The following GRIK1 variants were observed in gnomAD, a reference collection of about 807,000 sequenced individuals.
GRIK1 encodes the protein glutamate ionotropic receptor kainate type subunit 1, also known as glutamate receptor ionotropic, kainate 1.
A neutral mutation model predicts 105.7 loss-of-function variants in GRIK1; 69 were observed. That is an observed-to-expected ratio of 0.65 (90% CI 0.54 to 0.80). GRIK1 has a LOEUF of 0.80. Among genes scored for constraint, GRIK1 ranks in the 30% least tolerant of loss-of-function variants. The pLI is 0.00. For synonymous variants in GRIK1, 438 were observed against 431.3 expected, an observed-to-expected ratio of 1.02 and a Z score of -0.19; for missense variants, 1,109 against 1,167.3, an observed-to-expected ratio of 0.95 and a Z score of 0.73.
At position 29,582,459 on chromosome 21, in the gene GRIK1, C is replaced by G. The variant is rs966206188; in HGVS notation, c.1794-916G>C. 3.4e-5 allele frequency: 9 copies of G among 261,756 alleles called. No homozygotes were observed. In the East Asian group the frequency reaches 1.1e-3, roughly 32 times the overall value. The allele number at this position is 261,756 out of a possible 1,614,324, so 16.2% of individuals were successfully genotyped here. ...CAACTAGTATAGTAGTGTGGGAAGT[C>G]GACTTTGAAAAATTCACTCAACCTC... is the stretch of plus-strand genomic sequence containing the variant. On this transcript the variant is annotated intron_variant, in intron 12 of 17. Transcript: ENST00000327783.
chr21:29,635,401 T>C (rs989514626), intron 7 of GRIK1, among the ~76,000 whole-genome samples: 8 of 152,188 alleles, frequency 5.3e-5, no homozygotes, highest in African/African-American at 1.9e-4. Context: ...ACAGCTGTTG[T>C]CTCTCTGTGT....
At chr21:29,691,684 G>A (rs2063587050) in intron 2 of GRIK1, among the ~76,000 whole-genome samples, 2 of 152,106 alleles carry the variant, frequency 1.3e-5, no homozygotes, top group South Asian at 4.1e-4. Flanking sequence ...TATCAAATTA[G>A]CTAAATTAAT....
chr21:29,896,590 A>G (rs1228909544), intron 1 of GRIK1, among the ~76,000 whole-genome samples: 2 of 152,204 alleles, frequency 1.3e-5, no homozygotes, highest in Admixed American at 6.5e-5. Context: ...GACATATAAC[A>G]CATATCTGTC....
intron 4 of GRIK1, among the ~76,000 whole-genome samples, chr21:29,670,799 T>G (rs756128517): frequency 3.3e-5 from 5 of 152,236 alleles, no homozygotes; most frequent in Non-Finnish European, 5.9e-5. Flanking sequence ...TTAACATTCT[T>G]AAATGAAGCC....
intron 4 of GRIK1, among the ~76,000 whole-genome samples, chr21:29,660,940 G>A (rs1265885004): frequency 2.6e-5 from 4 of 152,154 alleles, no homozygotes; most frequent in Non-Finnish European, 4.4e-5. Context: ...TCAAGTCTCC[G>A]AGCAGCAATT....
intron 1 of GRIK1, among the ~76,000 whole-genome samples, chr21:29,922,878 A>G (rs2146330236): frequency 6.6e-6 from 1 of 152,276 alleles, no homozygotes; most frequent in South Asian, 2.1e-4. Context: ...TTTCCTCAGG[A>G]AGAATCTCAG....
At chr21:29,766,119 G>A (rs1422699088) in intron 1 of GRIK1, among the ~76,000 whole-genome samples, 2 of 152,056 alleles carry the variant, frequency 1.3e-5, no homozygotes, top group Non-Finnish European at 2.9e-5. Context: ...AAAGTGCTGG[G>A]ATTACAGGCA....
At chr21:29,722,800 G>T (rs996266070) in intron 1 of GRIK1, among the ~76,000 whole-genome samples, 1 of 151,934 alleles carries the variant, frequency 6.6e-6, no homozygotes, top group African/African-American at 2.4e-5. Flanking sequence ...TCTTTCCTAC[G>T]CTACAACCAC....
intron 1 of GRIK1, among the ~76,000 whole-genome samples, chr21:29,830,831 A>G (rs1422829804): frequency 6.6e-6 from 1 of 152,172 alleles, no homozygotes. Flanking sequence ...TCTGATGAAC[A>G]TAGAGATTCC....
intron 8 of GRIK1, chr21:29,596,898 A>G: frequency 3.3e-6 from 1 of 306,592 alleles, no homozygotes; most frequent in Non-Finnish European, 6.3e-6. Context: ...AGACCCTTTT[A>G]AGGCATTGGT....
intron 1 of GRIK1, among the ~76,000 whole-genome samples, chr21:29,813,307 G>C (rs1227577868): frequency 3.3e-5 from 5 of 152,142 alleles, no homozygotes; most frequent in Non-Finnish European, 7.4e-5. Context: ...CTTGCCATAA[G>C]AGGGAGCATT....
At chr21:29,590,592 A>G (rs1334976038) in intron 10 of GRIK1, among the ~76,000 whole-genome samples, 1 of 152,120 alleles carries the variant, frequency 6.6e-6, no homozygotes, top group Non-Finnish European at 1.5e-5. Context: ...TCTTCAGGAA[A>G]CCTGCACCAC....
chr21:29,895,620 G>A (rs569484728), intron 1 of GRIK1, among the ~76,000 whole-genome samples: 9 of 152,280 alleles, frequency 5.9e-5, no homozygotes, highest in Non-Finnish European at 1.2e-4. Flanking sequence ...CCTCCCAGAT[G>A]TAATGAACAT....
At chr21:29,636,908 A>C (rs2062409087) in intron 7 of GRIK1, among the ~76,000 whole-genome samples, 1 of 152,152 alleles carries the variant, frequency 6.6e-6, no homozygotes, top group Non-Finnish European at 1.5e-5. Context: ...ACATTTACTT[A>C]AACATATTTT....
chr21:29,879,182 C>T (rs1342837689), intron 1 of GRIK1, among the ~76,000 whole-genome samples: 1 of 152,062 alleles, frequency 6.6e-6, no homozygotes, highest in Admixed American at 6.6e-5. Context: ...AGACAGAGGG[C>T]TCAGCTCTGC....
At chr21:29,630,521 C>T (rs778723423) in intron 7 of GRIK1, 2 of 471,638 alleles carry the variant, frequency 4.2e-6, no homozygotes, top group South Asian at 3.1e-5. Flanking sequence ...CAGAGATTTG[C>T]TCTCTTCTGG....
At chr21:29,918,175 T>C (rs888290742) in intron 1 of GRIK1, among the ~76,000 whole-genome samples, 26 of 152,090 alleles carry the variant, frequency 1.7e-4, no homozygotes, top group African/African-American at 5.8e-4. Flanking sequence ...GAGTTACTAC[T>C]TAGAATTACT....
chr21:29,714,809 T>C (rs1034502361), intron 1 of GRIK1, among the ~76,000 whole-genome samples: 3 of 152,214 alleles, frequency 2.0e-5, no homozygotes, highest in Non-Finnish European at 4.4e-5. Flanking sequence ...TCAATCAATC[T>C]CTTTGTTCCT....
chr21:29,558,719 A>T (rs866463679), intron 15 of GRIK1, among the ~76,000 whole-genome samples: 31 of 141,682 alleles, frequency 2.2e-4, no homozygotes, highest in African/African-American at 8.2e-4. Flanking sequence ...TTATATATAT[A>T]TTTTTTTGTA....
Sources: gnomAD v4.1 joint callset for allele counts (sites outside exome capture counted in the v4.1 genomes callset) on GRCh38, gnomAD v4.1.1 for gene constraint, MANE v1.5 for transcripts, NCBI Gene and HGNC (gene_info 2026-07-23, HGNC 2026-07-21) for gene names.